The following ROBO1 variants were observed in gnomAD, a reference collection of about 807,000 sequenced individuals.
ROBO1 encodes the protein roundabout homolog 1.
Under a neutral mutation model 195.9 loss-of-function variants are expected in ROBO1, and 149 were observed. That is an observed-to-expected ratio of 0.76 (90% CI 0.67 to 0.87). The LOEUF is 0.87. Among genes scored for constraint, ROBO1 ranks in the 40% least tolerant of loss-of-function variants. The pLI, the probability that ROBO1 is intolerant of heterozygous loss-of-function variation, is 0.00. For synonymous variants in ROBO1, 816 were observed against 733.2 expected, an observed-to-expected ratio of 1.11 and a Z score of -1.82; for missense variants, 1,933 against 2,068.3, an observed-to-expected ratio of 0.93 and a Z score of 1.27.
At chr3:79,095,189 C>A (rs1315760518) in intron 3 of ROBO1, among the ~76,000 whole-genome samples, 1 of 151,914 alleles carries the variant, frequency 6.6e-6, no homozygotes, top group Non-Finnish European at 1.5e-5. Context: ...AATAGGTATG[C>A]AAATTTTTTG....
At chr3:79,259,589 A>G (rs1272487915) in intron 2 of ROBO1, among the ~76,000 whole-genome samples, 3 of 151,982 alleles carry the variant, frequency 2.0e-5, no homozygotes, top group Non-Finnish European at 4.4e-5. Context: ...TGCCCCCACT[A>G]GCATTCCCAG....
intron 2 of ROBO1, among the ~76,000 whole-genome samples, chr3:79,561,027 G>A (rs752865944): frequency 6.6e-6 from 1 of 151,930 alleles, no homozygotes; most frequent in East Asian, 1.9e-4. Flanking sequence ...GGAACAGAAC[G>A]TCTCAACTAG....
At chr3:78,844,680 A>G (rs545832272) in intron 4 of ROBO1, among the ~76,000 whole-genome samples, 10 of 152,266 alleles carry the variant, frequency 6.6e-5, no homozygotes, top group African/African-American at 2.4e-4. Flanking sequence ...AAACATAAAT[A>G]TAACAAAATA....
chr3:79,517,300 G>T (rs1322869865), intron 2 of ROBO1, among the ~76,000 whole-genome samples: 6 of 152,026 alleles, frequency 3.9e-5, no homozygotes, highest in Non-Finnish European at 5.9e-5. Flanking sequence ...AGTGCTTCTT[G>T]TCTGTATCTA....
At chr3:78,976,220 A>G (rs751749691) in intron 3 of ROBO1, among the ~76,000 whole-genome samples, 50 of 152,232 alleles carry the variant, frequency 3.3e-4, no homozygotes, top group Non-Finnish European at 6.6e-4. Context: ...AGTGGCAAGA[A>G]AAAAATGGAT....
chr3:79,049,338 A>C (rs1200329223), intron 3 of ROBO1, among the ~76,000 whole-genome samples: 1 of 152,182 alleles, frequency 6.6e-6, no homozygotes, highest in African/African-American at 2.4e-5. Flanking sequence ...TAAGAAGACA[A>C]GATTAGAGAA....
chr3:78,998,649 A>T (rs2077424493), intron 3 of ROBO1, among the ~76,000 whole-genome samples: 1 of 151,968 alleles, frequency 6.6e-6, no homozygotes, highest in African/African-American at 2.4e-5. Context: ...GTCACCTGAA[A>T]TCCCTTCCTG....
chr3:79,447,935 A>G lies in ROBO1; in HGVS notation c.88+141889T>C, dbSNP rs536568001. Among the ~76,000 whole-genome samples, 7 of 152,274 alleles carry G rather than the reference A, an allele frequency of 4.6e-5. No individual in the cohort carries two copies. In the South Asian group the frequency reaches 1.0e-3, roughly 23 times the overall value. Reference sequence around the variant, plus strand: ...GTACTACATCTACTAACTCACTTCTACTACTGCTACTGCTCCCACTACCTA... The same window carrying G: ...GTACTACATCTACTAACTCACTTCTGCTACTGCTACTGCTCCCACTACCTA... On this transcript the variant is annotated intron_variant, in intron 2 of 30. Coordinates refer to ENST00000464233, the MANE Select transcript of ROBO1 (RefSeq NM_002941.4).
intron 2 of ROBO1, among the ~76,000 whole-genome samples, chr3:79,190,725 A>C (rs953508579): frequency 1.3e-5 from 2 of 151,692 alleles, no homozygotes; most frequent in African/African-American, 2.4e-5. Flanking sequence ...TTATATGAAT[A>C]CATAAAAATT....
intron 10 of ROBO1, among the ~76,000 whole-genome samples, chr3:78,670,887 AC>A (rs1559724209): frequency 6.6e-6 from 1 of 151,996 alleles, no homozygotes; most frequent in Non-Finnish European, 1.5e-5. Context: ...ATTACAATAT[AC>A]ATGGGAGAAA....
At chr3:78,727,454 G>A (rs1017170067) in intron 5 of ROBO1, among the ~76,000 whole-genome samples, 1 of 152,010 alleles carries the variant, frequency 6.6e-6, no homozygotes, top group South Asian at 2.1e-4. Context: ...GTGAAACCCT[G>A]TCTCCACTAA....
intron 2 of ROBO1, among the ~76,000 whole-genome samples, chr3:79,473,986 G>A (rs1041223139): frequency 2.0e-5 from 3 of 152,082 alleles, no homozygotes; most frequent in Non-Finnish European, 2.9e-5. Context: ...GCTCATATGT[G>A]TGAAGTGTTA....
intron 2 of ROBO1, among the ~76,000 whole-genome samples, chr3:79,502,547 C>G: frequency 6.6e-6 from 1 of 152,096 alleles, no homozygotes; most frequent in East Asian, 1.9e-4. Flanking sequence ...CCCAGACGAG[C>G]GCCATCCCCT....
At chr3:78,682,090 T>C (rs1008159318) in intron 10 of ROBO1, among the ~76,000 whole-genome samples, 2 of 152,030 alleles carry the variant, frequency 1.3e-5, no homozygotes, top group Non-Finnish European at 2.9e-5. Context: ...CTTCTTGAAA[T>C]TCAAAGATAT....
chr3:78,852,832 A>G (rs1203202731), intron 4 of ROBO1, among the ~76,000 whole-genome samples: 1 of 152,192 alleles, frequency 6.6e-6, no homozygotes, highest in African/African-American at 2.4e-5. Flanking sequence ...GATGAAGTAT[A>G]TAGGCAAAGG....
At chr3:79,581,899 T>C (rs1943673906) in intron 2 of ROBO1, among the ~76,000 whole-genome samples, 1 of 152,048 alleles carries the variant, frequency 6.6e-6, no homozygotes, top group African/African-American at 2.4e-5. Flanking sequence ...ATGTTTGTAG[T>C]CATTTATTCC....
chr3:79,463,607 T>C (rs1299778957), intron 2 of ROBO1, among the ~76,000 whole-genome samples: 3 of 152,136 alleles, frequency 2.0e-5, no homozygotes, highest in Non-Finnish European at 4.4e-5. Context: ...AACTTTATTA[T>C]AGCATAGCAT....
chr3:79,102,454 C>A (rs1156632063), intron 3 of ROBO1, among the ~76,000 whole-genome samples: 2 of 151,614 alleles, frequency 1.3e-5, no homozygotes, highest in Non-Finnish European at 3.0e-5. Flanking sequence ...TAAATTGCAG[C>A]CATAAAACAC....
chr3:79,052,952 G>A (rs562397461), intron 3 of ROBO1, among the ~76,000 whole-genome samples: 27 of 152,074 alleles, frequency 1.8e-4, no homozygotes, highest in South Asian at 4.2e-4. Context: ...TTAAACTCCC[G>A]TTAAAACAGG....
Sources: allele counts gnomAD v4.1 joint callset (sites outside exome capture counted in the v4.1 genomes callset), GRCh38; gene constraint gnomAD v4.1.1; transcripts MANE v1.5; gene names NCBI Gene and HGNC (gene_info 2026-07-23, HGNC 2026-07-21).